The following DAB1 variants were observed in gnomAD, a reference collection of about 807,000 sequenced individuals.
DAB1 encodes disabled homolog 1.
DAB1 carries 15 observed loss-of-function variants against 64.6 expected under a neutral mutation model. That is an observed-to-expected ratio of 0.23 (90% CI 0.16 to 0.36). DAB1 has a LOEUF of 0.36. DAB1 is among the 10% of genes least tolerant of loss of function. DAB1 has a pLI of 1.00. For missense variants in DAB1, 596 were observed against 706.7 expected, an observed-to-expected ratio of 0.84 and a Z score of 1.78; for synonymous variants, 235 against 251.9, an observed-to-expected ratio of 0.93 and a Z score of 0.64.
intron 1 of DAB1, among the ~76,000 whole-genome samples, chr1:57,848,790 T>TGG (rs1653398913): frequency 6.6e-6 from 1 of 152,136 alleles, no homozygotes; most frequent in South Asian, 2.1e-4. Context: ...GTGGTGGTCA[T>TGG]GGGCAGGAGG....
At chr1:57,125,224 C>T (rs896866398) in intron 4 of DAB1, among the ~76,000 whole-genome samples, 2 of 152,110 alleles carry the variant, frequency 1.3e-5, no homozygotes, top group African/African-American at 2.4e-5. Flanking sequence ...AATTTGGAGG[C>T]GCAGACCCCA....
intron 2 of DAB1, among the ~76,000 whole-genome samples, chr1:57,285,238 T>C (rs1373597866): frequency 6.6e-6 from 1 of 152,116 alleles, no homozygotes; most frequent in Non-Finnish European, 1.5e-5. Context: ...GCTAGCTCTT[T>C]ACTCACAGTA....
At chr1:57,292,709 T>G (rs77332829) in intron 1 of DAB1, among the ~76,000 whole-genome samples, 1 of 152,068 alleles carries the variant, frequency 6.6e-6, no homozygotes, top group Non-Finnish European at 1.5e-5. Context: ...TACTAGCTCA[T>G]TCATGTTAAC....
chr1:57,976,077 G>GC (rs1302112139), intron 5 of DAB1, among the ~76,000 whole-genome samples: 1 of 152,182 alleles, frequency 6.6e-6, no homozygotes, highest in Non-Finnish European at 1.5e-5. Flanking sequence ...AGAGCACCAA[G>GC]CCCCCCAAGA....
chr1:57,965,071 G>T (rs1389343339), intron 5 of DAB1, among the ~76,000 whole-genome samples: 1 of 152,184 alleles, frequency 6.6e-6, no homozygotes, highest in Non-Finnish European at 1.5e-5. Context: ...AGAATGGATG[G>T]CAAAGAGATA....
chr1:58,507,173 A>C (rs1397385599), intron 2 of DAB1, among the ~76,000 whole-genome samples: 1 of 151,906 alleles, frequency 6.6e-6, no homozygotes. Context: ...ATATTTTATT[A>C]ATTTGTTCAA....
chr1:57,570,379 A>G (rs912138789), intron 7 of DAB1, among the ~76,000 whole-genome samples: 5 of 107,100 alleles, frequency 4.7e-5, no homozygotes, highest in Non-Finnish European at 8.0e-5. Flanking sequence ...ACGTGAGTTA[A>G]TACTTAACAA....
rs78571196 is a variant in DAB1, at chr1:57,077,045, G to A, written c.307-4631C>T. Among the ~76,000 whole-genome samples the A allele has an allele frequency of 4.8e-4, 73 of 152,292 alleles. No homozygotes were observed. In the East Asian group the frequency reaches 9.6e-3, roughly 20 times the overall value. ...TAATACAACAAGCTTTATATTAAAA[G>A]TGTGCCCAGTGTGTCACATAGGCTT... On this transcript the variant is annotated intron_variant, in intron 4 of 14. Transcript: ENST00000371236.
intron 5 of DAB1, among the ~76,000 whole-genome samples, chr1:57,976,251 T>A (rs186108678): frequency 3.3e-5 from 5 of 152,288 alleles, no homozygotes; most frequent in African/African-American, 1.2e-4. Context: ...CTACCTCACA[T>A]GATAGAAAGC....
intron 1 of DAB1, among the ~76,000 whole-genome samples, chr1:57,364,870 T>G (rs1646771): frequency 0.54 from 79,525 of 147,490 alleles, 22,003 homozygotes; most frequent in African/African-American, 0.66. Flanking sequence ...TATATATATA[T>G]AGAGAGAGAA....
At position 57,178,865 on chromosome 1, in the gene DAB1, A is replaced by T. The variant is rs183108400; in HGVS notation, c.68-33436T>A. ...GTGTGGTAGCTATTAGGTGCTTTAA[A>T]AAAAAAGGATAGCAATTCCCACCCC... On this transcript the variant is annotated intron_variant, in intron 2 of 14. Transcript: ENST00000371236. Among the ~76,000 whole-genome samples the T allele has an allele frequency of 9.3e-4, 141 of 152,210 alleles. 2 individuals are homozygous for T. In the East Asian group the frequency reaches 0.024, roughly 25 times the overall value.
chr1:58,481,296 AG>A, intron 3 of DAB1: 2 of 418,830 alleles, frequency 4.8e-6, no homozygotes, highest in Non-Finnish European at 8.3e-6. Flanking sequence ...TTTTAATAAA[AG>A]GTATCTTGAT....
intron 3 of DAB1, among the ~76,000 whole-genome samples, chr1:58,350,432 C>T (rs12760779): frequency 9.9e-5 from 15 of 152,072 alleles, no homozygotes; most frequent in African/African-American, 2.9e-4. Context: ...ATTACAGTTT[C>T]TTTTTGCTGT....
At chr1:58,064,113 C>A (rs1257531661) in intron 5 of DAB1, among the ~76,000 whole-genome samples, 1 of 152,092 alleles carries the variant, frequency 6.6e-6, no homozygotes, top group Non-Finnish European at 1.5e-5. Flanking sequence ...TTTGGAGAAA[C>A]AGTCAGGAGC....
intron 2 of DAB1, among the ~76,000 whole-genome samples, chr1:57,229,585 A>G (rs1667522060): frequency 6.6e-6 from 1 of 152,124 alleles, no homozygotes; most frequent in African/African-American, 2.4e-5. Flanking sequence ...GACTGTACTG[A>G]TGTTTATCGT....
intron 5 of DAB1, among the ~76,000 whole-genome samples, chr1:57,894,457 G>A (rs1644364837): frequency 6.6e-6 from 1 of 152,138 alleles, no homozygotes; most frequent in African/African-American, 2.4e-5. Flanking sequence ...ACAAAGATGA[G>A]GAAATGCCAA....
At chr1:57,555,768 C>T (rs572138808) in intron 7 of DAB1, among the ~76,000 whole-genome samples, 4 of 152,188 alleles carry the variant, frequency 2.6e-5, no homozygotes, top group Admixed American at 2.0e-4. Context: ...AACTTAGTGC[C>T]ATTTTCAGTA....
chr1:57,025,907 A>G, intron 10 of DAB1, 74 bp downstream of exon 10: 1 of 1,232,524 alleles, frequency 8.1e-7, no homozygotes, highest in Non-Finnish European at 1.1e-6. Flanking sequence ...CTCAAAGCCC[A>G]TATTCTGGCC....
At chr1:57,936,599 C>T (rs192012589) in intron 5 of DAB1, among the ~76,000 whole-genome samples, 208 of 152,124 alleles carry the variant, frequency 1.4e-3, no homozygotes, top group African/African-American at 4.9e-3. Flanking sequence ...GATGGGATTT[C>T]GCCATGTTGG....
Sources: allele counts gnomAD v4.1 joint callset (sites outside exome capture counted in the v4.1 genomes callset), GRCh38; gene constraint gnomAD v4.1.1; transcripts MANE v1.5; gene names NCBI Gene and HGNC (gene_info 2026-07-23, HGNC 2026-07-21).